Variants in PCDHGA3 observed in about 807,000 individuals in gnomAD.
The protein encoded by PCDHGA3 is protocadherin gamma-A3.
Under a neutral mutation model 58.5 loss-of-function variants are expected in PCDHGA3, and 40 were observed. That is an observed-to-expected ratio of 0.68 (90% CI 0.53 to 0.89). The LOEUF (loss-of-function observed/expected upper bound fraction) is 0.89, where lower values mean the gene tolerates loss of function less well. Among genes scored for constraint, PCDHGA3 ranks in the 40% least tolerant of loss-of-function variants. The probability of loss-of-function intolerance (pLI) is 0.00; values close to 1 mark genes in which losing one functional copy is unlikely to be tolerated. For synonymous variants in PCDHGA3, 530 were observed against 525.7 expected, an observed-to-expected ratio of 1.01 and a Z score of -0.11; for missense variants, 1,223 against 1,195.9, an observed-to-expected ratio of 1.02 and a Z score of -0.33.
In PCDHGA3 at chr5:141,432,139, T is replaced by A. The variant is rs950514553; in HGVS notation, c.2425-62668T>A. ...TCCCTCAGGCCTCCTATTCCGCTTA[T>A]ATCCCAGAGAACAATCCCAGAGGAG... is the stretch of plus-strand genomic sequence containing the variant. On this transcript the variant is annotated intron_variant, in intron 1 of 3. Transcript: ENST00000253812. The surrounding 1 kb of genome is among the most constrained non-coding windows in gnomAD (Gnocchi z 6.0). The A allele has an allele frequency of 6.8e-6, 11 of 1,613,976 alleles. No individual in the cohort carries two copies. Among genetic ancestry groups the A allele is most frequent in the Non-Finnish European group, 9.3e-6 (11 of 1,180,032 alleles).
At chr5:141,399,363 G>A (rs773376480) in intron 1 of PCDHGA3, 5 of 1,613,910 alleles carry the variant, frequency 3.1e-6, no homozygotes, top group Non-Finnish European at 3.4e-6. Flanking sequence ...AGCAAACCCC[G>A]GAGTACAATG....
At chr5:141,351,523 C>T in intron 1 of PCDHGA3, 1 of 1,614,036 alleles carries the variant, frequency 6.2e-7, no homozygotes, top group African/African-American at 1.3e-5. Flanking sequence ...TCATAGCCAC[C>T]GACAAGGGCA....
chr5:141,379,192 T>A (rs970501153), intron 1 of PCDHGA3: 36 of 152,346 alleles, frequency 2.4e-4, no homozygotes, highest in African/African-American at 8.7e-4. Context: ...AGTTGATGTG[T>A]TTTTAAATAA....
chr5:141,508,334 C>T (rs1323577321), intron 3 of PCDHGA3: 2 of 151,150 alleles, frequency 1.3e-5, no homozygotes, highest in African/African-American at 4.9e-5. Flanking sequence ...GGAGAACTGA[C>T]TCTACAGAAA....
intron 1 of PCDHGA3, chr5:141,427,201 A>G (rs1272966114): frequency 4.4e-6 from 2 of 456,618 alleles, no homozygotes; most frequent in African/African-American, 4.0e-5. Flanking sequence ...GACTTAATAG[A>G]CTTCGAATTT....
At chr5:141,371,869 T>C (rs1159672282) in intron 1 of PCDHGA3, 2 of 1,613,426 alleles carry the variant, frequency 1.2e-6, no homozygotes, top group African/African-American at 1.3e-5. Flanking sequence ...TACTACATCG[T>C]GGCCAGTGAC....
chr5:141,407,371 T>C (rs2094921499), intron 1 of PCDHGA3, among the ~76,000 whole-genome samples: 1 of 152,222 alleles, frequency 6.6e-6, no homozygotes, highest in South Asian at 2.1e-4. Context: ...CAGATATCCA[T>C]GAAGGCTTGT....
In PCDHGA3 at chr5:141,489,561, G is replaced by A. The variant is rs1750812409; in HGVS notation, c.2425-5246G>A. 6.2e-7 allele frequency: 1 copy of A among 1,614,106 alleles called. No homozygotes were observed. Among genetic ancestry groups the A allele is most frequent in the Non-Finnish European group, 8.5e-7 (1 of 1,180,026 alleles). On this transcript the variant is annotated intron_variant, in intron 1 of 3. Coordinates refer to ENST00000253812, the MANE Select transcript of PCDHGA3 (RefSeq NM_018916.4). The surrounding 1 kb of genome is among the most constrained non-coding windows in gnomAD (Gnocchi z 4.5). Reference sequence around the variant, plus strand: ...GCACCAGCTGCCTGCTGCCAGTGCAGGTGGTGACTGAACACCCCCTGGAGC... The same window carrying A: ...GCACCAGCTGCCTGCTGCCAGTGCAAGTGGTGACTGAACACCCCCTGGAGC...
intron 1 of PCDHGA3, chr5:141,414,676 CA>C (rs779931467): frequency 5.6e-5 from 91 of 1,613,916 alleles, no homozygotes; most frequent in Middle Eastern, 1.6e-4. Context: ...AGACACCATC[CA>C]GGGGGTACCT....
chr5:141,490,652 C>A lies in PCDHGA3; in HGVS notation c.2425-4155C>A. ...ATCCTAGAAAACCGGCCTCCGGGCT[C>A]CCTTCTTTGCACTGTGGCTGCCTCA... On this transcript the variant is annotated intron_variant, in intron 1 of 3. Transcript: ENST00000253812. The surrounding 1 kb of genome is among the most constrained non-coding windows in gnomAD (Gnocchi z 5.4). 6.2e-7 allele frequency: 1 copy of A among 1,614,208 alleles called. No individual in the cohort carries two copies. Among genetic ancestry groups the A allele is most frequent in the Non-Finnish European group, 8.5e-7 (1 of 1,180,026 alleles).
intron 1 of PCDHGA3, chr5:141,478,592 TC>T: frequency 6.4e-7 from 1 of 1,570,334 alleles, no homozygotes; most frequent in Non-Finnish European, 8.6e-7. Flanking sequence ...GCTTTTTTAT[TC>T]CTACATCATA....
chr5:141,356,605 G>T (rs1760271301), intron 1 of PCDHGA3: 4 of 1,614,008 alleles, frequency 2.5e-6, no homozygotes, highest in African/African-American at 1.3e-5. Context: ...CCCCAGAGGA[G>T]CCTCCATCTT....
At chr5:141,392,946 G>C (rs1175467046) in intron 1 of PCDHGA3, 11 of 1,613,940 alleles carry the variant, frequency 6.8e-6, no homozygotes, top group Non-Finnish European at 9.3e-6. Flanking sequence ...AGGCTCCTTC[G>C]TGGGTAATAT....
At chr5:141,481,838 T>G (rs1297962011) in intron 1 of PCDHGA3, among the ~76,000 whole-genome samples, 2 of 150,868 alleles carry the variant, frequency 1.3e-5, no homozygotes, top group African/African-American at 4.9e-5. Flanking sequence ...GGAGAATCGC[T>G]TGATGGTGGA....
At position 141,413,851 on chromosome 5, in the gene PCDHGA3, C is replaced by T. The variant is rs766108205; in HGVS notation, c.2424+67394C>T. The T allele has an allele frequency of 1.5e-5, 25 of 1,613,340 alleles. No homozygotes were observed. In the East Asian group the frequency reaches 2.7e-4, roughly 17 times the overall value. ...CGCCTCCGACGGGGGTGACCCTCTC[C>T]GATCTGGCACTGTCCTTGTCAGTGT... On this transcript the variant is annotated intron_variant, in intron 1 of 3. Coordinates refer to ENST00000253812, the MANE Select transcript of PCDHGA3 (RefSeq NM_018916.4).
chr5:141,470,708 A>T (rs1293545270), intron 1 of PCDHGA3, among the ~76,000 whole-genome samples: 1 of 151,804 alleles, frequency 6.6e-6, no homozygotes. Flanking sequence ...TTTTTATTTT[A>T]TTTTTTTGAG....
chr5:141,374,464 T>C, intron 1 of PCDHGA3: 1 of 1,613,434 alleles, frequency 6.2e-7, no homozygotes, highest in Non-Finnish European at 8.5e-7. Flanking sequence ...TGGACATTAA[T>C]GACAATACAC....
chr5:141,397,298 T>C (rs140040192), intron 1 of PCDHGA3, among the ~76,000 whole-genome samples: 13 of 152,318 alleles, frequency 8.5e-5, no homozygotes, highest in African/African-American at 2.9e-4. Context: ...AATGAATATT[T>C]CCTGAAGTAG....
At chr5:141,422,897 A>AT (rs778069795) in intron 1 of PCDHGA3, 4 of 1,614,212 alleles carry the variant, frequency 2.5e-6, no homozygotes, top group Non-Finnish European at 3.4e-6. Flanking sequence ...CTGGACCAGA[A>AT]CGACAATGCG....
Sources: gnomAD v4.1 joint callset for allele counts (sites outside exome capture counted in the v4.1 genomes callset) on GRCh38, gnomAD v4.1.1 for gene constraint, Gnocchi (gnomAD v3.1) non-coding constraint, MANE v1.5 for transcripts, NCBI Gene and HGNC (gene_info 2026-07-23, HGNC 2026-07-21) for gene names.